ZNF487: variants seen among roughly 807,000 people sequenced by gnomAD.
ZNF487 encodes zinc finger protein 487, also known as KRAB domain only 1.
ZNF487 carries 4 observed loss-of-function variants against 3.0 expected under a neutral mutation model. The observed-to-expected ratio is 1.35, with a 90% CI of 0.66 to 3.08. The LOEUF is 3.08. ZNF487 is among the 30% of genes most tolerant of loss of function. The pLI, the probability that ZNF487 is intolerant of heterozygous loss-of-function variation, is 0.01. For missense variants in ZNF487, 146 were observed against 98.7 expected (o/e 1.48, Z -2.03); for synonymous variants, 55 against 34.6 (o/e 1.59, Z -2.06).
At chr10:43,469,840 C>T (rs1357675086) in intron 1 of ZNF487, among the ~76,000 whole-genome samples, 1 of 151,834 alleles carries the variant, frequency 6.6e-6, no homozygotes, top group East Asian at 1.9e-4. Flanking sequence ...ATCCTAGGTA[C>T]TCAGGAGACT....
At position 43,464,923 on chromosome 10, in the gene ZNF487, T is replaced by C. The variant is rs1256052520; in HGVS notation, c.-93-10798T>C. On this transcript the variant is annotated intron_variant, in intron 1 of 3. Coordinates refer to ENST00000437590, the MANE Select transcript of ZNF487 (RefSeq NM_001355444.3). ...CGGGGTGGTGGCCGGGCAGAGGGGC[T>C]CCTCACTTCCCAGTAGGGGCGGCCG... Among the ~76,000 whole-genome samples, 20 of 151,896 alleles carry C rather than the reference T, an allele frequency of 1.3e-4. No individual in the cohort carries two copies. In the East Asian group the frequency reaches 3.5e-3, roughly 27 times the overall value.
Position 43,482,264 on chromosome 10 carries a change from A to G in ZNF487, c.*342A>G, listed in dbSNP as rs1268244592. 5.0e-6 allele frequency: 2 copies of G among 401,550 alleles called. No homozygotes were observed. Among genetic ancestry groups the G allele is most frequent in the East Asian group, 6.2e-5 (1 of 16,132 alleles). 24.9% of individuals were successfully genotyped at this position (401,550 alleles called of 1,614,324 possible). On this transcript the variant is annotated 3_prime_UTR_variant, in exon 4 of 4. Transcript: ENST00000437590. ...TGCCTATAAAATTAATCAGTATGCT[A>G]GTACATTTTGCTGTAAGCCAAAGCA...
intron 1 of ZNF487, among the ~76,000 whole-genome samples, chr10:43,449,603 G>C (rs138356886): frequency 1.5e-3 from 234 of 151,550 alleles, no homozygotes; most frequent in African/African-American, 5.4e-3. Flanking sequence ...ATTTTGTAAT[G>C]CTTCAACATG....
intron 2 of ZNF487, 98 bp from the exon 3 acceptor site, chr10:43,476,009 T>G (rs1841087552): frequency 1.5e-6 from 1 of 677,756 alleles, no homozygotes; most frequent in Admixed American, 2.2e-5. Context: ...TGTGGTGTTT[T>G]CTGTAATGAA....
chr10:43,442,400 A>G (rs1393294496), intron 1 of ZNF487, among the ~76,000 whole-genome samples: 1 of 152,062 alleles, frequency 6.6e-6, no homozygotes, highest in Non-Finnish European at 1.5e-5. Flanking sequence ...TTAACATAGT[A>G]CGTCTCTTCA....
At chr10:43,506,917 C>T in the ZNF487 span, among the ~76,000 whole-genome samples, 1 of 152,176 alleles carries the variant, frequency 6.6e-6, no homozygotes, top group Non-Finnish European at 1.5e-5. Flanking sequence ...CCCTGGTGAG[C>T]TGTAATTAAC....
chr10:43,452,410 T>C (rs1408991063), intron 1 of ZNF487: 1 of 152,070 alleles, frequency 6.6e-6, no homozygotes. Context: ...CATTTTTTTT[T>C]CTTCTTTTTC....
At chr10:43,475,485 A>G (rs1159155509) in intron 1 of ZNF487, among the ~76,000 whole-genome samples, 1 of 151,894 alleles carries the variant, frequency 6.6e-6, no homozygotes, top group Admixed American at 6.6e-5. Flanking sequence ...ACAGCACTCT[A>G]GCCTGAGTGA....
intron 3 of ZNF487, among the ~76,000 whole-genome samples, chr10:43,478,044 ATATT>A (rs1841168365): frequency 6.6e-6 from 1 of 152,200 alleles, no homozygotes; most frequent in Non-Finnish European, 1.5e-5. Flanking sequence ...ACCAATCCAG[ATATT>A]TTAGAAATCA....
intron 1 of ZNF487, among the ~76,000 whole-genome samples, chr10:43,442,605 G>A (rs1340233076): frequency 6.6e-6 from 1 of 152,018 alleles, no homozygotes; most frequent in African/African-American, 2.4e-5. Flanking sequence ...CACTGCGCCT[G>A]GCTAATTTTT....
At chr10:43,465,770 A>G (rs983808984) in intron 1 of ZNF487, among the ~76,000 whole-genome samples, 3 of 152,176 alleles carry the variant, frequency 2.0e-5, no homozygotes, top group Non-Finnish European at 4.4e-5. Context: ...GACGCTCCTC[A>G]CTTCCCAGAT....
At position 43,441,034 on chromosome 10, in the gene ZNF487, ATTTTTTTTTTTT is replaced by A. The variant is rs763451709; in HGVS notation, c.-94+3795_-94+3806del. 6.7e-4 allele frequency among the ~76,000 whole-genome samples: 30 copies of A among 44,548 alleles called. 1 individual carries two copies. The highest frequency in any genetic ancestry group is 3.6e-3 in the East Asian group (4 of 1,112). The allele number at this position is 44,548 out of a possible 152,430, so 29.2% of individuals were successfully genotyped here. The stretch of plus-strand genomic sequence containing the variant: ...GGTAAATGCTACCACACCTGGTTAA[ATTTTTTTTTTTT>A]TTTTTTTTTTTTTTTTTTTTTTGGT... On this transcript the variant is annotated intron_variant, in intron 1 of 3. Coordinates refer to ENST00000437590, the MANE Select transcript of ZNF487 (RefSeq NM_001355444.3).
intron 1 of ZNF487, among the ~76,000 whole-genome samples, chr10:43,468,988 CAAAAAAAAAAAAAAA>C (rs59076073): frequency 1.6e-5 from 1 of 60,934 alleles, no homozygotes; most frequent in Non-Finnish European, 2.7e-5. Flanking sequence ...GACTCTATCT[CAAAAAAAAAAAAAAA>C]AAAAAAAAAA....
chr10:43,468,817 G>A (rs1441781776), intron 1 of ZNF487, among the ~76,000 whole-genome samples: 3 of 150,708 alleles, frequency 2.0e-5, no homozygotes, highest in African/African-American at 4.9e-5. Flanking sequence ...GTGAAACCCC[G>A]TCTCTACTAA....
chr10:43,494,765 C>CAAAAAAAAAAAA, the ZNF487 span, among the ~76,000 whole-genome samples: 50 of 35,560 alleles, frequency 1.4e-3, no homozygotes, highest in Middle Eastern at 0.019. Flanking sequence ...ACTAAAAATA[C>CAAAAAAAAAAAA]AAAAAAAAAA....
chr10:43,459,668 T>C (rs1424847359), intron 1 of ZNF487, among the ~76,000 whole-genome samples: 1 of 151,964 alleles, frequency 6.6e-6, no homozygotes, highest in Non-Finnish European at 1.5e-5. Flanking sequence ...CTGACTTCAG[T>C]CTCCCAGGTA....
intron 1 of ZNF487, among the ~76,000 whole-genome samples, chr10:43,473,389 A>G (rs1840976549): frequency 6.6e-6 from 1 of 151,964 alleles, no homozygotes; most frequent in Non-Finnish European, 1.5e-5. Flanking sequence ...GTAGGACACT[A>G]TTTAACTCTG....
chr10:43,463,062 C>T (rs1051701297), intron 1 of ZNF487, among the ~76,000 whole-genome samples: 1 of 151,808 alleles, frequency 6.6e-6, no homozygotes, highest in Non-Finnish European at 1.5e-5. Context: ...TGGAGAAACC[C>T]TGTCTCTACT....
the ZNF487 span, chr10:43,523,220 G>A: frequency 1.3e-5 from 2 of 152,118 alleles, no homozygotes; most frequent in Non-Finnish European, 2.9e-5. Flanking sequence ...TATAAGATAT[G>A]GTAAACTATT....
Sources: gnomAD v4.1 joint callset for allele counts (sites outside exome capture counted in the v4.1 genomes callset) on GRCh38, gnomAD v4.1.1 for gene constraint, MANE v1.5 for transcripts, NCBI Gene and HGNC (gene_info 2026-07-23, HGNC 2026-07-21) for gene names.